PHF21A: variants seen among roughly 807,000 people sequenced by gnomAD.
PHF21A encodes the protein BHC80a.
Under a neutral mutation model 82.5 loss-of-function variants are expected in PHF21A, and 11 were observed. That is an observed-to-expected ratio of 0.13 (90% CI 0.08 to 0.22). The LOEUF is 0.22. Ranked by LOEUF, PHF21A falls within the 10% of genes least tolerant of loss-of-function variation. The probability of loss-of-function intolerance (pLI) is 1.00; values close to 1 mark genes in which losing one functional copy is unlikely to be tolerated. For missense variants in PHF21A, 579 were observed against 837.8 expected, an observed-to-expected ratio of 0.69 and a Z score of 3.81; for synonymous variants, 297 against 302.8, an observed-to-expected ratio of 0.98 and a Z score of 0.20.
chr11:45,987,374 A>C (rs1030995378), intron 6 of PHF21A, among the ~76,000 whole-genome samples: 2 of 152,026 alleles, frequency 1.3e-5, no homozygotes, highest in Non-Finnish European at 2.9e-5. Context: ...ATAAAAAAGC[A>C]CCTGAGGCCA....
chr11:46,062,060 C>T (rs1356338704), intron 6 of PHF21A, among the ~76,000 whole-genome samples: 1 of 151,906 alleles, frequency 6.6e-6, no homozygotes, highest in Non-Finnish European at 1.5e-5. Flanking sequence ...ACATCTGATT[C>T]CCAATCCCTG....
intron 1 of PHF21A, among the ~76,000 whole-genome samples, chr11:46,106,898 C>T (rs1593313945): frequency 6.6e-6 from 1 of 152,336 alleles, no homozygotes; most frequent in Admixed American, 6.5e-5. Context: ...CAGGCCTATA[C>T]TTTGAATCCT....
intron 6 of PHF21A, among the ~76,000 whole-genome samples, chr11:46,048,769 CA>C (rs959993677): frequency 3.4e-5 from 5 of 148,492 alleles, no homozygotes; most frequent in South Asian, 2.1e-4. Flanking sequence ...GACTCCATCT[CA>C]AAAAAAAAAT....
chr11:46,043,261 C>T (rs1014497763), intron 6 of PHF21A, among the ~76,000 whole-genome samples: 1 of 152,134 alleles, frequency 6.6e-6, no homozygotes, highest in Non-Finnish European at 1.5e-5. Flanking sequence ...TATCCAAGGA[C>T]TTCTTTCGAA....
chr11:45,936,098 C>T (rs530227984), intron 17 of PHF21A, among the ~76,000 whole-genome samples: 1 of 152,174 alleles, frequency 6.6e-6, no homozygotes, highest in South Asian at 2.1e-4. Flanking sequence ...GGTGACATGG[C>T]GAAACCTGTC....
chr11:45,996,315 C>T (rs1237527657), intron 6 of PHF21A, among the ~76,000 whole-genome samples: 1 of 152,142 alleles, frequency 6.6e-6, no homozygotes, highest in Non-Finnish European at 1.5e-5. Flanking sequence ...CAGGTTGACA[C>T]ATTATAGAGT....
intron 6 of PHF21A, among the ~76,000 whole-genome samples, chr11:46,052,043 G>A (rs745505026): frequency 1.3e-5 from 2 of 152,200 alleles, no homozygotes; most frequent in Non-Finnish European, 2.9e-5. Context: ...CAATAGTCAA[G>A]GTTGAGATGA....
intron 6 of PHF21A, among the ~76,000 whole-genome samples, chr11:45,991,666 A>G (rs966797140): frequency 6.6e-6 from 1 of 152,158 alleles, no homozygotes; most frequent in African/African-American, 2.4e-5. Flanking sequence ...TGGGTCGAGA[A>G]ACCTAGGTTC....
At chr11:46,034,013 C>T (rs1367963880) in intron 6 of PHF21A, among the ~76,000 whole-genome samples, 1 of 152,146 alleles carries the variant, frequency 6.6e-6, no homozygotes, top group African/African-American at 2.4e-5. Context: ...GCTGCTTATC[C>T]TTGCCAATGA....
intron 6 of PHF21A, among the ~76,000 whole-genome samples, chr11:46,065,707 G>T (rs1349961838): frequency 6.6e-6 from 1 of 152,180 alleles, no homozygotes; most frequent in Non-Finnish European, 1.5e-5. Context: ...AGCACAGCCA[G>T]GACTAGAATT....
chr11:45,969,394 C>T (rs2093634445), intron 9 of PHF21A, among the ~76,000 whole-genome samples: 1 of 152,182 alleles, frequency 6.6e-6, no homozygotes, highest in Non-Finnish European at 1.5e-5. Flanking sequence ...TCAAAACCAT[C>T]ACTTTCCAGG....
rs570594875 is a variant in PHF21A at position 45,933,607 on chromosome 11, C to T, written c.*361G>A. 5.3e-6 allele frequency: 1 copy of T among 189,894 alleles called. No individual in the cohort carries two copies. Among genetic ancestry groups the T allele is most frequent in the African/African-American group, 2.3e-5 (1 of 43,116 alleles). The allele number at this position is 189,894 out of a possible 1,614,324, so 11.8% of individuals were successfully genotyped here. A position where few individuals can be genotyped will look rare whatever the true frequency, so the allele number is the denominator to read the frequency against. On this transcript the variant is annotated 3_prime_UTR_variant, in exon 19 of 19. Coordinates refer to ENST00000676320, the MANE Select transcript of PHF21A (RefSeq NM_001352027.3). ...ACCTGCTCTCCTCCCTCCGCCCGTCCCTGCTCCCCACCCAAGAAAACAGAA... is the reference window on the plus strand; with the variant it reads ...ACCTGCTCTCCTCCCTCCGCCCGTCTCTGCTCCCCACCCAAGAAAACAGAA...
At chr11:46,007,605 G>A (rs1387873213) in intron 6 of PHF21A, among the ~76,000 whole-genome samples, 1 of 152,080 alleles carries the variant, frequency 6.6e-6, no homozygotes, top group African/African-American at 2.4e-5. Flanking sequence ...GTGAGCCACC[G>A]TGCCCGGCCC....
chr11:45,997,149 T>C (rs2094935520), intron 6 of PHF21A, among the ~76,000 whole-genome samples: 1 of 152,248 alleles, frequency 6.6e-6, no homozygotes, highest in Non-Finnish European at 1.5e-5. Context: ...ATTTTGAAGA[T>C]GGATGATTAG....
intron 6 of PHF21A, among the ~76,000 whole-genome samples, chr11:45,988,056 G>A (rs1393260261): frequency 6.6e-6 from 1 of 152,162 alleles, no homozygotes; most frequent in Admixed American, 6.5e-5. Flanking sequence ...ATTGGAGGAG[G>A]GGAAAGGAGG....
intron 4 of PHF21A, among the ~76,000 whole-genome samples, 171 bp from the exon 5 acceptor site, chr11:46,079,337 C>T (rs1218182943): frequency 6.6e-6 from 1 of 152,162 alleles, no homozygotes; most frequent in Non-Finnish European, 1.5e-5. Context: ...TCAGGAGACA[C>T]TTCCTTTAAT....
chr11:46,019,572 T>C (rs2095588913), intron 6 of PHF21A, among the ~76,000 whole-genome samples: 1 of 152,198 alleles, frequency 6.6e-6, no homozygotes, highest in Non-Finnish European at 1.5e-5. Flanking sequence ...TGGAGTACTA[T>C]GTTCTTTCTG....
At chr11:45,947,472 T>C (rs565748337) in intron 14 of PHF21A, among the ~76,000 whole-genome samples, 65 of 152,324 alleles carry the variant, frequency 4.3e-4, no homozygotes, top group African/African-American at 1.3e-3. Context: ...CTGTATTAAA[T>C]TGGTGATGCC....
chr11:45,963,522 A>C (rs1309493566), intron 10 of PHF21A, among the ~76,000 whole-genome samples: 1 of 151,972 alleles, frequency 6.6e-6, no homozygotes, highest in Non-Finnish European at 1.5e-5. Context: ...ATAAAAGTTT[A>C]CTCTCTCTTT....
Sources: gnomAD v4.1 joint callset for allele counts (sites outside exome capture counted in the v4.1 genomes callset) on GRCh38, gnomAD v4.1.1 for gene constraint, MANE v1.5 for transcripts, NCBI Gene and HGNC (gene_info 2026-07-23, HGNC 2026-07-21) for gene names.